The following AOPEP variants were observed in gnomAD, a reference collection of about 807,000 sequenced individuals.
AOPEP encodes the protein aminopeptidase O (putative), also known as aminopeptidase O.
Under a neutral mutation model 98.1 loss-of-function variants are expected in AOPEP, and 77 were observed. The observed-to-expected ratio is 0.78, with a 90% confidence interval of 0.65 to 0.95. The LOEUF (loss-of-function observed/expected upper bound fraction) is 0.95. Ranked by LOEUF, AOPEP falls within the 40% of genes least tolerant of loss-of-function variation. The pLI, the probability that AOPEP is intolerant of heterozygous loss-of-function variation, is 0.00. For synonymous variants in AOPEP, 346 were observed against 365.3 expected (o/e 0.95, Z 0.60); for missense variants, 1,024 against 1,024.7 (o/e 1.00, Z 0.01).
chr9:94,970,587 T>G (rs1015145009), intron 10 of AOPEP, among the ~76,000 whole-genome samples: 2 of 151,686 alleles, frequency 1.3e-5, no homozygotes, highest in Non-Finnish European at 1.5e-5. Context: ...GGCCAAGATT[T>G]CCAAGGCCCC....
At chr9:94,971,758 A>G (rs1040696496) in intron 10 of AOPEP, among the ~76,000 whole-genome samples, 1 of 152,220 alleles carries the variant, frequency 6.6e-6, no homozygotes, top group African/African-American at 2.4e-5. Context: ...ACACTGGGGA[A>G]CCTAGAGGAA....
chr9:95,125,042 C>A, the AOPEP span: 1 of 1,517,728 alleles, frequency 6.6e-7, no homozygotes, highest in Non-Finnish European at 9.2e-7. Flanking sequence ...TCAACAGCGT[C>A]TTATTCTCTG....
At chr9:95,017,366 C>T (rs562928353) in intron 13 of AOPEP, among the ~76,000 whole-genome samples, 97 of 152,288 alleles carry the variant, frequency 6.4e-4, no homozygotes, top group Middle Eastern at 6.8e-3. Context: ...ATTTGTACAA[C>T]ATGTTACTGT....
the AOPEP span, among the ~76,000 whole-genome samples, chr9:95,149,602 C>T: frequency 6.6e-6 from 1 of 152,002 alleles, no homozygotes; most frequent in Admixed American, 6.6e-5. Context: ...ACTCAGCCCC[C>T]CTAGTAGCTG....
intron 13 of AOPEP, among the ~76,000 whole-genome samples, chr9:95,057,447 C>T (rs528572063): frequency 1.8e-4 from 28 of 152,364 alleles, no homozygotes; most frequent in Admixed American, 1.2e-3. Flanking sequence ...TCTGCTGATA[C>T]GTGGTCTCTT....
chr9:95,088,903 C>G (rs2070826573), downstream of AOPEP, among the ~76,000 whole-genome samples: 1 of 152,246 alleles, frequency 6.6e-6, no homozygotes, highest in South Asian at 2.1e-4. Flanking sequence ...CCGGACATTG[C>G]TGTCACGGAT....
chr9:94,782,483 G>A (rs1052863901), intron 3 of AOPEP, among the ~76,000 whole-genome samples: 1 of 152,108 alleles, frequency 6.6e-6, no homozygotes, highest in African/African-American at 2.4e-5. Flanking sequence ...ACTTTGTGTG[G>A]GAAATTCCAG....
chr9:94,864,579 A>G (rs2045494357), intron 5 of AOPEP, among the ~76,000 whole-genome samples: 1 of 152,216 alleles, frequency 6.6e-6, no homozygotes, highest in Admixed American at 6.5e-5. Flanking sequence ...GGTTTTATTT[A>G]TATAATATGA....
At chr9:95,051,782 C>T (rs1320408764) in intron 13 of AOPEP, among the ~76,000 whole-genome samples, 4 of 151,762 alleles carry the variant, frequency 2.6e-5, no homozygotes, top group Non-Finnish European at 5.9e-5. Context: ...TGGCTCACTG[C>T]AAGCTCTGCC....
intron 13 of AOPEP, among the ~76,000 whole-genome samples, chr9:95,014,169 A>G (rs1386325624): frequency 6.6e-6 from 1 of 152,162 alleles, no homozygotes; most frequent in Non-Finnish European, 1.5e-5. Context: ...CCTTATCTCT[A>G]CCAAATACAA....
At chr9:94,916,267 G>A (rs1302670351) in intron 5 of AOPEP, among the ~76,000 whole-genome samples, 2 of 152,094 alleles carry the variant, frequency 1.3e-5, no homozygotes, top group African/African-American at 4.8e-5. Context: ...GTGAGGGAGT[G>A]GAATCACATT....
chr9:94,773,509 G>A (rs929757910), intron 3 of AOPEP, among the ~76,000 whole-genome samples: 2 of 152,112 alleles, frequency 1.3e-5, no homozygotes, highest in African/African-American at 2.4e-5. Context: ...GAGTTGAGTT[G>A]TCTGTGATTT....
At chr9:95,122,666 C>T in the AOPEP span, among the ~76,000 whole-genome samples, 2,119 of 152,230 alleles carry the variant, frequency 0.014, 52 homozygotes, top group African/African-American at 0.048. Flanking sequence ...ATAGTGCCCA[C>T]GGCCAACATA....
chr9:95,004,331 T>C (rs2132659802), intron 11 of AOPEP: 1 of 455,816 alleles, frequency 2.2e-6, no homozygotes, highest in Admixed American at 2.4e-5. Flanking sequence ...GATTGACCCC[T>C]TCTTTTTAAA....
chr9:94,734,958 C>A (rs1289606383), intron 1 of AOPEP, among the ~76,000 whole-genome samples: 1 of 152,142 alleles, frequency 6.6e-6, no homozygotes, highest in Non-Finnish European at 1.5e-5. Flanking sequence ...TACAATTCAC[C>A]CTGGTCTGGA....
chr9:95,105,891 C>T, the AOPEP span, among the ~76,000 whole-genome samples: 3 of 152,184 alleles, frequency 2.0e-5, no homozygotes, highest in Admixed American at 2.0e-4. Flanking sequence ...GCGTTTAGGC[C>T]ATCTCTGCCT....
intron 5 of AOPEP, among the ~76,000 whole-genome samples, chr9:94,911,002 T>C (rs564540916): frequency 6.6e-6 from 1 of 152,334 alleles, no homozygotes; most frequent in African/African-American, 2.4e-5. Flanking sequence ...AAGAGTATTA[T>C]TGTAGATACT....
chr9:94,991,167 C>G (rs1449435175), intron 11 of AOPEP, among the ~76,000 whole-genome samples: 2 of 152,226 alleles, frequency 1.3e-5, no homozygotes, highest in African/African-American at 4.8e-5. Flanking sequence ...CCAGCTCTTG[C>G]AGCCAGAGCA....
intron 5 of AOPEP, among the ~76,000 whole-genome samples, chr9:94,874,793 A>G (rs973178387): frequency 1.3e-5 from 2 of 152,220 alleles, no homozygotes; most frequent in Non-Finnish European, 2.9e-5. Context: ...TATTTTGAAC[A>G]GTCCAGAAAG....
Sources: allele counts gnomAD v4.1 joint callset (sites outside exome capture counted in the v4.1 genomes callset), GRCh38; gene constraint gnomAD v4.1.1; transcripts MANE v1.5; gene names NCBI Gene and HGNC (gene_info 2026-07-23, HGNC 2026-07-21).